VWA5B1: variants seen among roughly 807,000 people sequenced by gnomAD.
VWA5B1 encodes von Willebrand factor A domain-containing protein 5B1.
VWA5B1 carries 115 observed loss-of-function variants against 118.2 expected under a neutral mutation model. That is an observed-to-expected ratio of 0.97 (90% CI 0.84 to 1.14). The LOEUF (loss-of-function observed/expected upper bound fraction) is 1.14. VWA5B1 is among the 50% of genes most tolerant of loss of function. The pLI is 0.00. For synonymous variants in VWA5B1, 682 were observed against 658.4 expected (o/e 1.04, Z -0.55); for missense variants, 1,596 against 1,603.8 (o/e 1.00, Z 0.08).
intron 1 of VWA5B1, among the ~76,000 whole-genome samples, chr1:20,309,989 A>G (rs1006772270): frequency 3.5e-5 from 5 of 141,382 alleles, no homozygotes; most frequent in African/African-American, 1.3e-4. Context: ...GGTGAGAAGG[A>G]GGTGCAGGAA....
chr1:20,323,265 G>A, intron 7 of VWA5B1, 91 bp from the exon 8 acceptor site: 1 of 1,228,488 alleles, frequency 8.1e-7, no homozygotes, highest in Non-Finnish European at 1.1e-6. Flanking sequence ...AGCAGGATGT[G>A]GGTGCACGGT....
intron 4 of VWA5B1, 104 bp from the exon 5 acceptor site, chr1:20,317,426 T>G: frequency 6.9e-7 from 1 of 1,445,008 alleles, no homozygotes. Flanking sequence ...GCCCCCTTGG[T>G]GGGCTGGGCT....
At position 20,330,323 on chromosome 1, in the gene VWA5B1, C is replaced by G; in HGVS notation, c.1398C>G (p.Gly466=). Residue 466 remains glycine, a synonymous_variant, in exon 10 of 22, where the codon GGC becomes GGG. Transcript: ENST00000289815. ...GGCTCCTCTTCGTGATCACAGATGG[C>G]GCTGTCAACAACACAGGGAAGGTGC... ...HPRLLFVITD[G]AVNNTGKVLE... is the part of the protein sequence containing the mutation. 1 of 1,551,766 alleles carries G rather than the reference C, an allele frequency of 6.4e-7. No homozygotes were observed. The highest frequency in any genetic ancestry group is 8.7e-7 in the Non-Finnish European group (1 of 1,147,024).
At chr1:20,318,468 G>A (rs2089095610) in intron 5 of VWA5B1, 122 bp from the exon 6 acceptor site, 1 of 1,380,954 alleles carries the variant, frequency 7.2e-7, no homozygotes, top group South Asian at 1.3e-5. Context: ...CTGCAGGTCA[G>A]GAGCCCCTAA....
chr1:20,347,607 T>C (rs1327976973), intron 17 of VWA5B1, among the ~76,000 whole-genome samples: 1 of 152,000 alleles, frequency 6.6e-6, no homozygotes, highest in Non-Finnish European at 1.5e-5. Flanking sequence ...ACCCAGCTAA[T>C]TTTTTATTTT....
intron 2 of VWA5B1, 54 bp downstream of exon 2, chr1:20,310,794 C>T: frequency 6.8e-7 from 1 of 1,468,716 alleles, no homozygotes; most frequent in Non-Finnish European, 9.0e-7. Flanking sequence ...CACAGTGAAT[C>T]CCTGTTTTGA....
At position 20,314,510 on chromosome 1, in the gene VWA5B1, G is replaced by C. The variant is rs2088944371; in HGVS notation, c.481G>C (p.Val161Leu). 2.6e-6 allele frequency: 4 copies of C among 1,551,624 alleles called. No individual in the cohort carries two copies. Among genetic ancestry groups the C allele is most frequent in the Non-Finnish European group, 3.5e-6 (4 of 1,147,012 alleles). The part of the protein sequence containing the change: ...LPTLPSGAVR[V>L]LLPAVCAPTV... ...AACGCTGCCCAGCGGGGCTGTGAGGGTCCTTCTGCCTGCTGTCTGTGCCCC... is the reference window on the plus strand; with the variant it reads ...AACGCTGCCCAGCGGGGCTGTGAGGCTCCTTCTGCCTGCTGTCTGTGCCCC... The change falls in exon 4 of 22, where the codon GTC becomes CTC. Residue 161 changes from valine (V) to leucine (L), a missense_variant. Val to Leu is a conservative substitution (Grantham distance 32, BLOSUM62 1). Coordinates refer to ENST00000289815, the MANE Select transcript of VWA5B1 (RefSeq NM_001039500.3).
chr1:20,317,750 G>C, intron 5 of VWA5B1, 75 bp downstream of exon 5: 7 of 998,588 alleles, frequency 7.0e-6, no homozygotes, highest in Non-Finnish European at 1.0e-5. Flanking sequence ...TGGGACGGGG[G>C]TGGGAAGGAA....
chr1:20,291,974 G>C (rs1395152512), intron 1 of VWA5B1, among the ~76,000 whole-genome samples: 1 of 152,126 alleles, frequency 6.6e-6, no homozygotes, highest in African/African-American at 2.4e-5. Context: ...TGTGGGGCGG[G>C]GGCCAGAACC....
chr1:20,335,776 C>T (rs1044926542), intron 12 of VWA5B1, among the ~76,000 whole-genome samples: 12 of 152,146 alleles, frequency 7.9e-5, no homozygotes, highest in African/African-American at 2.9e-4. Flanking sequence ...ATTGTCTTGA[C>T]ATTGAGTGGC....
At chr1:20,345,008 C>G (rs974832118) in intron 16 of VWA5B1, among the ~76,000 whole-genome samples, 3 of 152,182 alleles carry the variant, frequency 2.0e-5, no homozygotes, top group Non-Finnish European at 4.4e-5. Flanking sequence ...GCTCACCACT[C>G]TCCTCTGATT....
chr1:20,318,059 G>A (rs550107363), intron 5 of VWA5B1, among the ~76,000 whole-genome samples: 4 of 148,800 alleles, frequency 2.7e-5, no homozygotes, highest in African/African-American at 9.9e-5. Flanking sequence ...AGAGATTCTG[G>A]GGTGAGTTCC....
In VWA5B1 at chr1:20,326,524, G is replaced by A. The variant is rs189973056; in HGVS notation, c.1144-1366G>A. On this transcript the variant is annotated intron_variant, in intron 8 of 21. Coordinates refer to ENST00000289815, the MANE Select transcript of VWA5B1 (RefSeq NM_001039500.3). Reference sequence around the variant, plus strand: ...TCTGTTGCCCAGGCTGGAGTGCAGTGGCGTGATCTCGGCTCACTGCAGCCT... The same window carrying A: ...TCTGTTGCCCAGGCTGGAGTGCAGTAGCGTGATCTCGGCTCACTGCAGCCT... Among the ~76,000 whole-genome samples, 22 of 152,270 alleles carry A rather than the reference G, an allele frequency of 1.4e-4. 1 individual carries two copies.
intron 12 of VWA5B1, among the ~76,000 whole-genome samples, chr1:20,334,703 C>T (rs145648075): frequency 0.11 from 16,294 of 151,980 alleles, 1,006 homozygotes; most frequent in Admixed American, 0.14. Context: ...CCCAGCTACT[C>T]GGGAGGCTGA....
chr1:20,327,891 A>T lies in VWA5B1; in HGVS notation c.1145A>T (p.Asp382Val), dbSNP rs758304488. ...MSGISMHRVK[D>V]AMLVALKSLM... ...GAAAACCCCTTTCTCTCCTGCCAGG[A>T]TGCCATGTTGGTGGCCCTTAAGAGC... is the stretch of plus-strand genomic sequence containing the variant. The change falls in exon 9 of 22, where the codon GAT becomes GTT. Residue 382 changes from aspartate to valine, a missense_variant and splice_region_variant. Transcript: ENST00000289815. The T allele has an allele frequency of 6.4e-7, 1 of 1,551,426 alleles. No individual in the cohort carries two copies. The highest frequency in any genetic ancestry group is 2.4e-5 in the East Asian group (1 of 40,914).
chr1:20,331,533 C>T (rs1313329314), intron 11 of VWA5B1, among the ~76,000 whole-genome samples: 2 of 152,172 alleles, frequency 1.3e-5, no homozygotes, highest in Non-Finnish European at 2.9e-5. Flanking sequence ...ACTCTTCAGG[C>T]CAAGAGGCCA....
intron 4 of VWA5B1, among the ~76,000 whole-genome samples, chr1:20,316,329 G>A (rs750388539): frequency 6.6e-6 from 1 of 152,188 alleles, no homozygotes; most frequent in Non-Finnish European, 1.5e-5. Context: ...TGTGGATGCA[G>A]GGAGGCCGAG....
intron 5 of VWA5B1, chr1:20,318,306 A>G: frequency 2.2e-6 from 1 of 455,692 alleles, no homozygotes; most frequent in East Asian, 4.4e-5. Context: ...TCTGCTTGGC[A>G]GGATGCTGGG....
intron 12 of VWA5B1, among the ~76,000 whole-genome samples, chr1:20,335,867 G>A (rs1224069690): frequency 6.6e-6 from 1 of 152,136 alleles, no homozygotes; most frequent in Admixed American, 6.5e-5. Context: ...GGCAAGAGAA[G>A]CCGACACTCA....
Sources: gnomAD v4.1 joint callset for allele counts (sites outside exome capture counted in the v4.1 genomes callset) on GRCh38, gnomAD v4.1.1 for gene constraint, MANE v1.5 for transcripts, NCBI Gene and HGNC (gene_info 2026-07-23, HGNC 2026-07-21) for gene names.